Variants in MOV10L1 observed in about 807,000 individuals in gnomAD.
The protein encoded by MOV10L1 is RNA helicase Mov10l1.
A neutral mutation model predicts 143.8 loss-of-function variants in MOV10L1; 110 were observed. The observed-to-expected ratio is 0.76, with a 90% CI of 0.66 to 0.90. The LOEUF is 0.90. MOV10L1 is among the 40% of genes least tolerant of loss of function. The pLI, the probability that MOV10L1 is intolerant of heterozygous loss-of-function variation, is 0.00. For synonymous variants in MOV10L1, 593 were observed against 581.1 expected, an observed-to-expected ratio of 1.02 and a Z score of -0.29; for missense variants, 1,406 against 1,526.8, an observed-to-expected ratio of 0.92 and a Z score of 1.32.
At chr22:50,141,316 G>A (rs940950229) in intron 15 of MOV10L1, among the ~76,000 whole-genome samples, 4 of 151,406 alleles carry the variant, frequency 2.6e-5, no homozygotes, top group African/African-American at 7.3e-5. Flanking sequence ...GATTATAGGC[G>A]TGAGCCACTG....
Position 50,108,203 on chromosome 22 carries a change from C to T in MOV10L1, c.510C>T (p.Ser170=), listed in dbSNP as rs774769069. The T allele has an allele frequency of 5.0e-6, 8 of 1,614,040 alleles. No homozygotes were observed. The highest frequency in any genetic ancestry group is 1.3e-5 in the African/African-American group (1 of 75,024). Residue 170 remains serine, a synonymous_variant, in exon 4 of 27, where the codon AGC becomes AGT. Coordinates refer to ENST00000262794, the MANE Select transcript of MOV10L1 (RefSeq NM_018995.3). ...GGATCCGGCCTGGCACGTGGAGCAGCGAAGCCACCTCAGTGAAGCCACTGA... is the reference window on the plus strand; with the variant it reads ...GGATCCGGCCTGGCACGTGGAGCAGTGAAGCCACCTCAGTGAAGCCACTGA... ...EYRIRPGTWS[S]EATSVKPLRY...
chr22:50,146,926 G>A, intron 19 of MOV10L1: 1 of 761,380 alleles, frequency 1.3e-6, no homozygotes, highest in Non-Finnish European at 2.2e-6. Flanking sequence ...TTTACACTTA[G>A]AGCATGTCAG....
In MOV10L1 at chr22:50,125,451, T is replaced by G; in HGVS notation, c.1629T>G (p.Ile543Met). ...KFSTLLWLEE[I>M]YAEMELKEYN... is the part of the protein sequence containing the mutation. ...CGACTTTGCTGTGGCTTGAGGAGAT[T>G]TATGCAGAAATGGAACTGAAAGAGT... The change falls in exon 11 of 27, where the codon ATT (isoleucine) becomes ATG (methionine). Residue 543 changes from isoleucine to methionine, a missense_variant. Ile to Met is a conservative substitution (Grantham distance 10, BLOSUM62 1). Coordinates refer to ENST00000262794, the MANE Select transcript of MOV10L1 (RefSeq NM_018995.3). 2 of 1,614,232 alleles carry G rather than the reference T, an allele frequency of 1.2e-6. No individual in the cohort carries two copies. Among genetic ancestry groups the G allele is most frequent in the East Asian group, 2.2e-5 (1 of 44,886 alleles).
chr22:50,100,101 C>T (rs1205754151), intron 3 of MOV10L1, among the ~76,000 whole-genome samples: 1 of 151,928 alleles, frequency 6.6e-6, no homozygotes, highest in Non-Finnish European at 1.5e-5. Flanking sequence ...GATTGATTCT[C>T]CTGCCTCAGC....
chr22:50,161,319 C>A, intron 26 of MOV10L1, 49 bp from the exon 27 acceptor site: 1 of 1,449,950 alleles, frequency 6.9e-7, no homozygotes, highest in South Asian at 1.3e-5. Flanking sequence ...GCTCCCAGCC[C>A]GCTGTGGGAG....
At chr22:50,142,295 G>C (rs2063011623) in intron 16 of MOV10L1, 106 bp downstream of exon 16, 1 of 813,026 alleles carries the variant, frequency 1.2e-6, no homozygotes, top group Non-Finnish European at 1.9e-6. Flanking sequence ...ACAGTAGGGG[G>C]CGTGTGGCCT....
chr22:50,142,646 T>C (rs972364490), intron 16 of MOV10L1, among the ~76,000 whole-genome samples: 1 of 151,004 alleles, frequency 6.6e-6, no homozygotes, highest in African/African-American at 2.4e-5. Flanking sequence ...CTGGACAACA[T>C]GGCGAAACCT....
In MOV10L1 at chr22:50,115,880, C is replaced by T. The variant is rs528804911; in HGVS notation, c.1259+634C>T. Among the ~76,000 whole-genome samples the T allele has an allele frequency of 9.2e-5, 14 of 152,336 alleles. No individual in the cohort carries two copies. In the South Asian group the frequency reaches 1.7e-3, roughly 18 times the overall value. ...GTCACCTGGGCATTTGGCCAAGGCA[C>T]GGACAGCACAGTGTGCTGAGGGAGG... On this transcript the variant is annotated intron_variant, in intron 8 of 26. Coordinates refer to ENST00000262794, the MANE Select transcript of MOV10L1 (RefSeq NM_018995.3).
intron 5 of MOV10L1, among the ~76,000 whole-genome samples, chr22:50,110,455 A>T (rs1039652027): frequency 6.6e-6 from 1 of 152,000 alleles, no homozygotes; most frequent in Non-Finnish European, 1.5e-5. Context: ...TCTCAAAAAA[A>T]AAAAAAAGAC....
At chr22:50,149,770 A>T in intron 20 of MOV10L1, 56 bp downstream of exon 20, 2 of 1,492,430 alleles carry the variant, frequency 1.3e-6, no homozygotes, top group Non-Finnish European at 1.8e-6. Flanking sequence ...TCCTGAGGGG[A>T]TGCAGGCTGC....
chr22:50,161,302 G>A, intron 26 of MOV10L1, 66 bp from the exon 27 acceptor site: 1 of 1,334,008 alleles, frequency 7.5e-7, no homozygotes, highest in Admixed American at 2.4e-5. Context: ...ATTGGGAAAA[G>A]AGTGCAGCTC....
chr22:50,105,824 C>T (rs1430675237), intron 3 of MOV10L1, among the ~76,000 whole-genome samples: 2 of 152,150 alleles, frequency 1.3e-5, no homozygotes, highest in South Asian at 2.1e-4. Context: ...GTGTGTGTTT[C>T]GTTGTCATGA....
chr22:50,144,797 G>A (rs940000556), intron 18 of MOV10L1, among the ~76,000 whole-genome samples: 4 of 151,982 alleles, frequency 2.6e-5, no homozygotes, highest in Non-Finnish European at 4.4e-5. Context: ...TAGCCAGGAT[G>A]GTCTCGATCT....
Position 50,150,887 on chromosome 22 carries a change from T to A in MOV10L1, c.2880T>A (p.His960Gln). The change falls in exon 21 of 27, where the codon CAT (histidine) becomes CAA (glutamine). Residue 960 changes from histidine to glutamine, a missense_variant. Around this residue, in one of 3 missense-constraint regions of MOV10L1, gnomAD observed 1,233 missense variants for 1,351.4 expected, o/e 0.91. Coordinates refer to ENST00000262794, the MANE Select transcript of MOV10L1 (RefSeq NM_018995.3). The stretch of plus-strand genomic sequence containing the variant: ...ATGCTTTCGGTGCTTGTGGCGCACA[T>A]AATCCCCTGTTGGTGAGTCACAGAC... ...DENAFGACGA[H>Q]NPLLVTKLVK... 6.2e-7 allele frequency: 1 copy of A among 1,614,168 alleles called. No individual in the cohort carries two copies. The highest frequency in any genetic ancestry group is 8.5e-7 in the Non-Finnish European group (1 of 1,180,020).
intron 3 of MOV10L1, among the ~76,000 whole-genome samples, chr22:50,105,645 A>C (rs547408870): frequency 6.6e-6 from 1 of 152,366 alleles, no homozygotes; most frequent in South Asian, 2.1e-4. Context: ...TGACTTGAAA[A>C]AAGTAAAACC....
intron 3 of MOV10L1, among the ~76,000 whole-genome samples, chr22:50,107,488 A>G (rs1369020469): frequency 6.7e-6 from 1 of 149,844 alleles, no homozygotes; most frequent in East Asian, 1.9e-4. Flanking sequence ...TCAATTATAC[A>G]CTTTTTTTTT....
At chr22:50,153,993 T>C (rs1256673569) in intron 22 of MOV10L1, among the ~76,000 whole-genome samples, 1 of 152,232 alleles carries the variant, frequency 6.6e-6, no homozygotes, top group African/African-American at 2.4e-5. Flanking sequence ...CTGCATTCCA[T>C]GCCCTACCCA....
At chr22:50,142,751 G>A (rs552869516) in intron 16 of MOV10L1, among the ~76,000 whole-genome samples, 13 of 152,054 alleles carry the variant, frequency 8.5e-5, no homozygotes, top group East Asian at 5.8e-4. Context: ...TGGGAGGATC[G>A]CTTGAGCTCA....
intron 1 of MOV10L1, among the ~76,000 whole-genome samples, chr22:50,091,796 A>G (rs1042072339): frequency 2.0e-5 from 3 of 152,044 alleles, no homozygotes; most frequent in African/African-American, 7.2e-5. Flanking sequence ...TTCTGAGGAA[A>G]CTGGGCTGTC....
Sources: gnomAD v4.1 joint callset for allele counts (sites outside exome capture counted in the v4.1 genomes callset) on GRCh38, gnomAD v4.1.1 for gene constraint, gnomAD v4.1.1 regional missense constraint, MANE v1.5 for transcripts, NCBI Gene and HGNC (gene_info 2026-07-23, HGNC 2026-07-21) for gene names.